The following ATXN1 variants were observed in gnomAD, a reference collection of about 807,000 sequenced individuals.
ATXN1 encodes ataxin 1, also known as ataxin-1.
ATXN1 carries 8 observed loss-of-function variants against 56.4 expected under a neutral mutation model. That is an observed-to-expected ratio of 0.14 (90% CI 0.08 to 0.26). The LOEUF is 0.26. Among genes scored for constraint, ATXN1 ranks in the 10% least tolerant of loss-of-function variants. The probability of loss-of-function intolerance (pLI) is 1.00; values close to 1 mark genes in which losing one functional copy is unlikely to be tolerated. For missense variants in ATXN1, 987 were observed against 1,106.5 expected, an observed-to-expected ratio of 0.89 and a Z score of 1.53; for synonymous variants, 514 against 494.6, an observed-to-expected ratio of 1.04 and a Z score of -0.52.
At chr6:16,435,636 C>T (rs1759373104) in intron 6 of ATXN1, among the ~76,000 whole-genome samples, 3 of 151,932 alleles carry the variant, frequency 2.0e-5, no homozygotes, top group Non-Finnish European at 4.4e-5. Flanking sequence ...GCATGGAAAT[C>T]ACTGATGACC....
intron 5 of ATXN1, among the ~76,000 whole-genome samples, 170 bp from the exon 6 acceptor site, chr6:16,486,279 C>A (rs1760542630): frequency 6.6e-6 from 1 of 152,184 alleles, no homozygotes; most frequent in Admixed American, 6.5e-5. Flanking sequence ...AAAAAGAACA[C>A]AACATGGTAC....
chr6:16,476,700 T>C (rs561050122), intron 6 of ATXN1, among the ~76,000 whole-genome samples: 20 of 152,316 alleles, frequency 1.3e-4, no homozygotes, highest in African/African-American at 4.8e-4. Context: ...ATTTACTTTA[T>C]CTCATACAAA....
At chr6:16,358,312 A>T (rs1011594368) in intron 6 of ATXN1, among the ~76,000 whole-genome samples, 1 of 152,222 alleles carries the variant, frequency 6.6e-6, no homozygotes, top group Non-Finnish European at 1.5e-5. Flanking sequence ...ACTACTGGGT[A>T]TCTACCCAGA....
chr6:16,596,885 G>A (rs192875734), intron 3 of ATXN1, among the ~76,000 whole-genome samples: 1 of 152,286 alleles, frequency 6.6e-6, no homozygotes, highest in East Asian at 1.9e-4. Flanking sequence ...TTGCACAGGA[G>A]CTGTTCAAAC....
At chr6:16,703,880 G>A (rs1759346340) in intron 2 of ATXN1, among the ~76,000 whole-genome samples, 1 of 152,200 alleles carries the variant, frequency 6.6e-6, no homozygotes, top group African/African-American at 2.4e-5. Flanking sequence ...CTAGCTGGGT[G>A]TGATGGCGCA....
intron 6 of ATXN1, among the ~76,000 whole-genome samples, chr6:16,418,319 C>T (rs943986863): frequency 4.6e-5 from 7 of 152,196 alleles, no homozygotes; most frequent in Admixed American, 4.6e-4. Flanking sequence ...GCAAAAACTC[C>T]TTGCATTTGT....
chr6:16,529,279 A>C (rs1761455872), intron 4 of ATXN1, among the ~76,000 whole-genome samples: 1 of 150,342 alleles, frequency 6.7e-6, no homozygotes, highest in Non-Finnish European at 1.5e-5. Flanking sequence ...CATTCAGTGG[A>C]AAGTTGTGTA....
intron 2 of ATXN1, among the ~76,000 whole-genome samples, chr6:16,687,904 CCAAA>C: frequency 1.3e-5 from 2 of 152,232 alleles, no homozygotes; most frequent in South Asian, 4.1e-4. Context: ...GAAATCCTCA[CCAAA>C]CAAAGTATAA....
chr6:16,634,947 C>T (rs965151879), intron 3 of ATXN1, among the ~76,000 whole-genome samples: 1 of 152,078 alleles, frequency 6.6e-6, no homozygotes, highest in East Asian at 1.9e-4. Flanking sequence ...TGGTCTCCAC[C>T]AGTTGATTAT....
At chr6:16,481,966 T>TA (rs1233329649) in intron 6 of ATXN1, among the ~76,000 whole-genome samples, 2 of 150,742 alleles carry the variant, frequency 1.3e-5, no homozygotes, top group South Asian at 2.1e-4. Flanking sequence ...TGCAGACTTT[T>TA]AAAAAAAGTA....
intron 6 of ATXN1, among the ~76,000 whole-genome samples, chr6:16,355,179 G>A (rs963870192): frequency 6.6e-6 from 1 of 152,188 alleles, no homozygotes; most frequent in African/African-American, 2.4e-5. Context: ...CCTTGGACTG[G>A]CCTGGGCTTG....
intron 6 of ATXN1, among the ~76,000 whole-genome samples, chr6:16,451,755 C>CAA (rs369181235): frequency 7.9e-6 from 1 of 126,206 alleles, no homozygotes; most frequent in Non-Finnish European, 1.7e-5. Context: ...AACTCCGTCT[C>CAA]AAAAAAAAAA....
chr6:16,359,992 C>T (rs1761774245), intron 6 of ATXN1, among the ~76,000 whole-genome samples: 1 of 151,752 alleles, frequency 6.6e-6, no homozygotes, highest in African/African-American at 2.4e-5. Flanking sequence ...ATGGCTGCAC[C>T]GAAAATCTCA....
chr6:16,325,094 C>A (rs1218764983), intron 7 of ATXN1, among the ~76,000 whole-genome samples: 1 of 150,270 alleles, frequency 6.7e-6, no homozygotes, highest in Admixed American at 6.7e-5. Flanking sequence ...ATTGGTCCAT[C>A]ACACTTAGGG....
chr6:16,409,445 G>A (rs1252702952), intron 6 of ATXN1, among the ~76,000 whole-genome samples: 2 of 152,110 alleles, frequency 1.3e-5, no homozygotes, highest in Non-Finnish European at 2.9e-5. Context: ...TTAAGGTCAG[G>A]AGTTCAAGAC....
At chr6:16,683,964 C>T (rs1364254288) in intron 2 of ATXN1, among the ~76,000 whole-genome samples, 1 of 152,204 alleles carries the variant, frequency 6.6e-6, no homozygotes, top group Admixed American at 6.5e-5. Context: ...TCTCCTGGCC[C>T]CTCCCTTGGT....
At chr6:16,630,589 A>T (rs1763487476) in intron 3 of ATXN1, among the ~76,000 whole-genome samples, 1 of 152,206 alleles carries the variant, frequency 6.6e-6, no homozygotes, top group African/African-American at 2.4e-5. Flanking sequence ...CTCAACTGTG[A>T]ATCGGCATCT....
chr6:16,492,640 T>A (rs1025266884), intron 5 of ATXN1, among the ~76,000 whole-genome samples: 1 of 152,036 alleles, frequency 6.6e-6, no homozygotes, highest in East Asian at 1.9e-4. Context: ...TTCTCTGAGA[T>A]GGTACTTTCT....
At chr6:16,461,760 G>A (rs1760003434) in intron 6 of ATXN1, among the ~76,000 whole-genome samples, 1 of 152,186 alleles carries the variant, frequency 6.6e-6, no homozygotes, top group Non-Finnish European at 1.5e-5. Context: ...GGAATTTCCA[G>A]GGCACTAGGG....
Sources: gnomAD v4.1 joint callset for allele counts (sites outside exome capture counted in the v4.1 genomes callset) on GRCh38, gnomAD v4.1.1 for gene constraint, MANE v1.5 for transcripts, NCBI Gene and HGNC (gene_info 2026-07-23, HGNC 2026-07-21) for gene names.